The following CPNE8 variants were observed in gnomAD, a reference collection of about 807,000 sequenced individuals.
CPNE8 encodes copine-8.
Under a neutral mutation model 81.5 loss-of-function variants are expected in CPNE8, and 45 were observed. The observed-to-expected ratio is 0.55, with a 90% confidence interval of 0.44 to 0.71. CPNE8 has a LOEUF of 0.71. Among genes scored for constraint, CPNE8 ranks in the 30% least tolerant of loss-of-function variants. The pLI, the probability that CPNE8 is intolerant of heterozygous loss-of-function variation, is 0.00. For synonymous variants in CPNE8, 252 were observed against 226.3 expected, an observed-to-expected ratio of 1.11 and a Z score of -1.02; for missense variants, 594 against 672.1, an observed-to-expected ratio of 0.88 and a Z score of 1.28.
intron 1 of CPNE8, among the ~76,000 whole-genome samples, chr12:38,880,085 C>A (rs992875643): frequency 6.6e-6 from 1 of 152,124 alleles, no homozygotes; most frequent in Non-Finnish European, 1.5e-5. Flanking sequence ...ATAAGTAGAG[C>A]CAAACAATGC....
At chr12:38,899,301 T>C (rs535332300) in intron 1 of CPNE8, among the ~76,000 whole-genome samples, 2 of 152,226 alleles carry the variant, frequency 1.3e-5, no homozygotes, top group African/African-American at 2.4e-5. Context: ...AATACTGTCC[T>C]GATAAAAGGA....
chr12:38,693,318 A>G (rs984251025), intron 15 of CPNE8, among the ~76,000 whole-genome samples: 1 of 152,102 alleles, frequency 6.6e-6, no homozygotes, highest in African/African-American at 2.4e-5. Context: ...GTCTCCCATT[A>G]TATTCTGCTT....
At chr12:38,747,859 T>C (rs1270755507) in intron 10 of CPNE8, among the ~76,000 whole-genome samples, 1 of 152,142 alleles carries the variant, frequency 6.6e-6, no homozygotes, top group Non-Finnish European at 1.5e-5. Context: ...ACATTTTTAA[T>C]ATGGCTACTA....
At chr12:38,853,708 GA>G (rs1267443977) in intron 3 of CPNE8, among the ~76,000 whole-genome samples, 2 of 151,940 alleles carry the variant, frequency 1.3e-5, no homozygotes, top group Non-Finnish European at 2.9e-5. Context: ...GAGCTAATTG[GA>G]AAAATAGCTA....
intron 7 of CPNE8, among the ~76,000 whole-genome samples, chr12:38,775,252 CTGAGATTACAGGCA>C (rs1466604804): frequency 1.3e-5 from 2 of 152,098 alleles, no homozygotes; most frequent in African/African-American, 4.8e-5. Flanking sequence ...CTCCCAAAGG[CTGAGATTACAGGCA>C]TGAGCCACCA....
chr12:38,830,379 T>C (rs1943265741), intron 5 of CPNE8, among the ~76,000 whole-genome samples: 1 of 152,164 alleles, frequency 6.6e-6, no homozygotes, highest in Non-Finnish European at 1.5e-5. Context: ...AGACAAACTC[T>C]GATGTTCTGA....
Position 38,653,230 on chromosome 12 carries a change from T to C in CPNE8, c.*652A>G, listed in dbSNP as rs1201629773. 1 of 152,636 alleles carries C rather than the reference T, an allele frequency of 6.6e-6. No homozygotes were observed. The highest frequency in any genetic ancestry group is 2.1e-4 in the South Asian group (1 of 4,832). The allele number at this position is 152,636 out of a possible 1,614,324, so 9.5% of individuals were successfully genotyped here. On this transcript the variant is annotated 3_prime_UTR_variant, in exon 20 of 20. Coordinates refer to ENST00000331366, the MANE Select transcript of CPNE8 (RefSeq NM_153634.3). The stretch of plus-strand genomic sequence containing the variant: ...TGCATGTTCAACCAGGAGACACATC[T>C]GCCGGGCTTAAACTCCCATACCCAG...
At chr12:38,786,392 T>G (rs1464365703) in intron 6 of CPNE8, among the ~76,000 whole-genome samples, 3 of 152,122 alleles carry the variant, frequency 2.0e-5, no homozygotes, top group African/African-American at 7.2e-5. Context: ...CAGCTGCCTG[T>G]GCAGATAGAA....
intron 18 of CPNE8, among the ~76,000 whole-genome samples, chr12:38,673,565 G>A (rs528407609): frequency 9.2e-5 from 14 of 152,186 alleles, no homozygotes; most frequent in Middle Eastern, 6.8e-3. Context: ...TTGTCGCCTA[G>A]CAGAATAATC....
At chr12:38,898,047 T>G (rs568328211) in intron 1 of CPNE8, among the ~76,000 whole-genome samples, 1 of 152,290 alleles carries the variant, frequency 6.6e-6, no homozygotes, top group South Asian at 2.1e-4. Context: ...TGAAATCTCT[T>G]TGAGAGGAAT....
At chr12:38,823,961 A>C (rs1057011149) in intron 6 of CPNE8, among the ~76,000 whole-genome samples, 3 of 152,164 alleles carry the variant, frequency 2.0e-5, no homozygotes, top group Non-Finnish European at 2.9e-5. Context: ...GAGTCATAGG[A>C]AGCACAGTAA....
chr12:38,673,049 G>T (rs1015459711), intron 18 of CPNE8, among the ~76,000 whole-genome samples: 4 of 152,160 alleles, frequency 2.6e-5, no homozygotes. Flanking sequence ...AGGGAGGGAA[G>T]TGACTGGATT....
At chr12:38,748,333 A>G (rs1218504312) in intron 10 of CPNE8, among the ~76,000 whole-genome samples, 1 of 152,110 alleles carries the variant, frequency 6.6e-6, no homozygotes, top group Non-Finnish European at 1.5e-5. Flanking sequence ...ATAGATACAT[A>G]ATATTCCTTT....
chr12:38,710,574 ACT>A (rs2136708540), intron 13 of CPNE8, among the ~76,000 whole-genome samples: 1 of 152,272 alleles, frequency 6.6e-6, no homozygotes, highest in Non-Finnish European at 1.5e-5. Context: ...CATAGCAAAT[ACT>A]CTACATGCTG....
intron 6 of CPNE8, among the ~76,000 whole-genome samples, chr12:38,780,399 A>G (rs1942025554): frequency 6.6e-6 from 1 of 152,142 alleles, no homozygotes; most frequent in African/African-American, 2.4e-5. Flanking sequence ...TTCCAGTAGA[A>G]GAAGGAATAA....
At chr12:38,771,501 C>T (rs1941802606) in intron 7 of CPNE8, among the ~76,000 whole-genome samples, 1 of 152,042 alleles carries the variant, frequency 6.6e-6, no homozygotes, top group Admixed American at 6.5e-5. Flanking sequence ...ACACTCCCAA[C>T]ATAATTTCTA....
intron 19 of CPNE8, among the ~76,000 whole-genome samples, chr12:38,662,140 T>C (rs766549752): frequency 2.6e-5 from 4 of 152,174 alleles, no homozygotes; most frequent in Non-Finnish European, 4.4e-5. Context: ...AACATGGCAC[T>C]GGAAGTCCTA....
In CPNE8 at chr12:38,839,851, A is replaced by G. The variant is rs892077427; in HGVS notation, c.330+65T>C. On this transcript the variant is annotated intron_variant, in intron 5 of 19. Transcript: ENST00000331366. ...TAATAGATGTATAACTTTAATATTA[A>G]TAAGTCAGCATAAGTACTAATCATT... 3.7e-6 allele frequency: 5 copies of G among 1,342,818 alleles called. No individual in the cohort carries two copies. The African/African-American group carries it at 5.9e-5, about 16-fold the overall frequency. 83.2% of individuals were successfully genotyped at this position (1,342,818 alleles called of 1,614,324 possible). A position where few individuals can be genotyped will look rare whatever the true frequency, so the allele number is the denominator to read the frequency against.
chr12:38,844,216 T>A (rs1385636475), intron 4 of CPNE8, among the ~76,000 whole-genome samples: 3 of 152,142 alleles, frequency 2.0e-5, no homozygotes, highest in South Asian at 2.1e-4. Context: ...GACTCAGATA[T>A]CCCTTTTTAG....
Sources: gnomAD v4.1 joint callset for allele counts (sites outside exome capture counted in the v4.1 genomes callset) on GRCh38, gnomAD v4.1.1 for gene constraint, MANE v1.5 for transcripts, NCBI Gene and HGNC (gene_info 2026-07-23, HGNC 2026-07-21) for gene names.